METTL21A: variants seen among roughly 807,000 people sequenced by gnomAD.
METTL21A encodes the protein methyltransferase 21A, HSPA lysine, also known as protein N-lysine methyltransferase METTL21A.
In METTL21A, 22 loss-of-function variants were observed where a neutral mutation model predicts 20.9. The observed-to-expected ratio is 1.05, with a 90% CI of 0.75 to 1.50. METTL21A has a LOEUF of 1.50. METTL21A is among the 40% of genes most tolerant of loss of function. The pLI is 0.00. For missense variants in METTL21A, 271 were observed against 266.8 expected, an observed-to-expected ratio of 1.02 and a Z score of -0.11; for synonymous variants, 93 against 102.0, an observed-to-expected ratio of 0.91 and a Z score of 0.53.
intron 3 of METTL21A, among the ~76,000 whole-genome samples, chr2:207,619,051 G>A (rs1301988988): frequency 6.6e-6 from 1 of 152,154 alleles, no homozygotes; most frequent in Admixed American, 6.5e-5. Context: ...ACCATGCAGG[G>A]TGACTGTGAG....
At chr2:207,621,977 G>T in intron 2 of METTL21A, 60 bp from the exon 3 acceptor site, 1 of 1,467,988 alleles carries the variant, frequency 6.8e-7, no homozygotes, top group Non-Finnish European at 9.5e-7. Flanking sequence ...TAGCTGCAGG[G>T]TTTCAGGTCA....
exon 4 of METTL21A, chr2:207,612,853 A>G (rs1559111062): frequency 5.6e-6 from 3 of 532,974 alleles, no homozygotes; most frequent in Middle Eastern, 9.9e-4. Context: ...CAGACTGAGT[A>G]AAGTCTGACT....
downstream of METTL21A, among the ~76,000 whole-genome samples, chr2:207,607,693 T>TTTTTTTTTTTTTTTTTTTTTTTTAG: frequency 7.0e-6 from 1 of 143,358 alleles, no homozygotes; most frequent in South Asian, 2.3e-4. Flanking sequence ...ACATACATTT[T>TTTTTTTTTTTTTTTTTTTTTTTTAG]AACATAGCAT....
At chr2:207,597,381 T>C (rs1043239029) in intron 3 of METTL21A, 2 of 280,980 alleles carry the variant, frequency 7.1e-6, no homozygotes, top group South Asian at 1.9e-4. Context: ...AGAAAATCTT[T>C]TTAAAAATGA....
intron 3 of METTL21A, among the ~76,000 whole-genome samples, chr2:207,589,716 C>T (rs755365886): frequency 8.5e-5 from 13 of 152,202 alleles, no homozygotes; most frequent in Admixed American, 2.0e-4. Context: ...CTGAGGTGAT[C>T]GTGTTGTTTC....
At chr2:207,582,481 T>G (rs897689470) in intron 3 of METTL21A, among the ~76,000 whole-genome samples, 37 of 152,210 alleles carry the variant, frequency 2.4e-4, no homozygotes, top group Non-Finnish European at 4.7e-4. Flanking sequence ...CCAATACTAT[T>G]GTTATTTATT....
exon 4 of METTL21A, chr2:207,582,100 A>G: frequency 1.4e-6 from 1 of 702,794 alleles, no homozygotes; most frequent in Admixed American, 2.0e-5. Context: ...TCCACTGTTG[A>G]GCTACCATTT....
chr2:207,599,805 G>A (rs1268551433), intron 3 of METTL21A: 1 of 196,276 alleles, frequency 5.1e-6, no homozygotes, highest in Non-Finnish European at 1.1e-5. Flanking sequence ...AAGAACATAT[G>A]TGGCCACATT....
chr2:207,623,914 G>A (rs558497899), intron 2 of METTL21A, among the ~76,000 whole-genome samples: 2 of 152,220 alleles, frequency 1.3e-5, no homozygotes, highest in South Asian at 4.1e-4. Flanking sequence ...TATCCTCTCC[G>A]ACAAGTCATT....
At chr2:207,602,584 G>A (rs1162015802) in intron 3 of METTL21A, 1 of 211,838 alleles carries the variant, frequency 4.7e-6, no homozygotes, top group African/African-American at 2.3e-5. Flanking sequence ...TTGGTAGGGA[G>A]GAAGAAAATC....
intron 3 of METTL21A, among the ~76,000 whole-genome samples, chr2:207,594,628 A>G (rs1027743240): frequency 2.0e-5 from 3 of 152,170 alleles, no homozygotes; most frequent in Admixed American, 6.5e-5. Flanking sequence ...GCTGATGGAC[A>G]TTTGGGCTGC....
At chr2:207,585,583 A>G (rs1344890497) in intron 3 of METTL21A, among the ~76,000 whole-genome samples, 1 of 152,214 alleles carries the variant, frequency 6.6e-6, no homozygotes, top group Admixed American at 6.5e-5. Flanking sequence ...ATCTCAAAGA[A>G]CCAGGTAATC....
intron 3 of METTL21A, 125 bp downstream of exon 3, chr2:207,621,681 A>G (rs760775121): frequency 1.4e-5 from 11 of 802,034 alleles, no homozygotes; most frequent in Admixed American, 2.2e-5. Flanking sequence ...CCCACAACTC[A>G]TAAGTATAAG....
At chr2:207,588,889 C>CA (rs2084419803) in intron 3 of METTL21A, among the ~76,000 whole-genome samples, 1 of 142,298 alleles carries the variant, frequency 7.0e-6, no homozygotes, top group Non-Finnish European at 1.5e-5. Flanking sequence ...GGAGCTTTGT[C>CA]GGGGGGGGTG....
At chr2:207,614,828 G>A (rs963118218) in intron 3 of METTL21A, among the ~76,000 whole-genome samples, 9 of 152,264 alleles carry the variant, frequency 5.9e-5, no homozygotes, top group Admixed American at 5.2e-4. Flanking sequence ...CTTTACTTCT[G>A]ACCCCAGAAA....
chr2:207,602,504 A>G (rs1189044851), intron 3 of METTL21A: 1 of 206,810 alleles, frequency 4.8e-6, no homozygotes, highest in African/African-American at 2.3e-5. Flanking sequence ...CTATAGAAGT[A>G]TGGCATTTCC....
intron 3 of METTL21A, among the ~76,000 whole-genome samples, chr2:207,616,375 G>A (rs960294004): frequency 6.6e-6 from 1 of 152,210 alleles, no homozygotes; most frequent in African/African-American, 2.4e-5. Flanking sequence ...CATTTCAAAG[G>A]CTACTTCTAA....
At chr2:207,593,507 G>A (rs1246854795) in intron 3 of METTL21A, among the ~76,000 whole-genome samples, 1 of 152,162 alleles carries the variant, frequency 6.6e-6, no homozygotes, top group Non-Finnish European at 1.5e-5. Flanking sequence ...TCCAGCCTGG[G>A]CAGCAGAGCA....
downstream of METTL21A, chr2:207,612,085 T>G (rs1479505763): frequency 2.4e-5 from 3 of 124,828 alleles, no homozygotes; most frequent in Non-Finnish European, 1.6e-5. Context: ...AGATTTCAGG[T>G]GCTTTTTTTT....
Sources: allele counts gnomAD v4.1 joint callset (sites outside exome capture counted in the v4.1 genomes callset), GRCh38; gene constraint gnomAD v4.1.1; transcripts MANE v1.5; gene names NCBI Gene and HGNC (gene_info 2026-07-23, HGNC 2026-07-21).